Variants in IK observed in about 807,000 individuals in gnomAD.
IK encodes the protein protein Red.
IK carries 47 observed loss-of-function variants against 90.9 expected under a neutral mutation model. The observed-to-expected ratio is 0.52, with a 90% CI of 0.41 to 0.66. The LOEUF (loss-of-function observed/expected upper bound fraction) is 0.66, where lower values mean the gene tolerates loss of function less well. Among genes scored for constraint, IK ranks in the 30% least tolerant of loss-of-function variants. The pLI is 0.00. For missense variants in IK, 385 were observed against 709.3 expected, an observed-to-expected ratio of 0.54 and a Z score of 5.19; for synonymous variants, 201 against 227.5, an observed-to-expected ratio of 0.88 and a Z score of 1.05.
At chr5:140,657,910 AT>A (rs1007216823) in intron 10 of IK, among the ~76,000 whole-genome samples, 3 of 152,096 alleles carry the variant, frequency 2.0e-5, no homozygotes, top group South Asian at 2.1e-4. Flanking sequence ...CTATTTATTT[AT>A]TTTTTTTAAA....
At chr5:140,651,668 T>C (rs1411409562) in intron 2 of IK, 46 bp from the exon 3 acceptor site, 8 of 937,132 alleles carry the variant, frequency 8.5e-6, no homozygotes, top group Non-Finnish European at 1.4e-5. Flanking sequence ...TCCTTTTTCA[T>C]TTCTTATTGA....
chr5:140,649,485 C>T (rs1581479668), intron 2 of IK, among the ~76,000 whole-genome samples: 1 of 149,284 alleles, frequency 6.7e-6, no homozygotes, highest in Non-Finnish European at 1.5e-5. Flanking sequence ...AAAGTGCTGG[C>T]ATTACAGGCG....
In IK at chr5:140,659,161, T is replaced by C; in HGVS notation, c.1173T>C (p.Asp391=). ...ACTTTGAGAAGCCAAAAGTAGATGATGAGGTGAGATGTGGGCCCTTAGTAC... is the reference window on the plus strand; with the variant it reads ...ACTTTGAGAAGCCAAAAGTAGATGACGAGGTGAGATGTGGGCCCTTAGTAC... ...HSYFEKPKVD[D]EPMDVDKGPG... Residue 391 remains aspartate, a synonymous_variant, in exon 12 of 20, where the codon GAT becomes GAC. Transcript: ENST00000417647. 1 of 1,588,060 alleles carries C rather than the reference T, an allele frequency of 6.3e-7. No individual in the cohort carries two copies.
intron 10 of IK, among the ~76,000 whole-genome samples, chr5:140,658,153 G>A (rs1757740653): frequency 1.3e-5 from 2 of 151,132 alleles, no homozygotes; most frequent in Admixed American, 6.6e-5. Flanking sequence ...CTATAGGCAC[G>A]CATCACCACG....
At position 140,657,568 on chromosome 5, in the gene IK, G is replaced by A. The variant is rs761334132; in HGVS notation, c.816G>A (p.Leu272=). The A allele has an allele frequency of 1.9e-6, 3 of 1,611,478 alleles. No homozygotes were observed. The highest frequency in any genetic ancestry group is 2.7e-5 in the African/African-American group (2 of 74,802). The change falls in exon 10 of 20, where the codon CTG becomes CTA. Residue 272 remains leucine (L), a synonymous_variant. Coordinates refer to ENST00000417647, the MANE Select transcript of IK (RefSeq NM_006083.4). ...DCPTMEAQTT[L]TTNDIVISKL... is the part of the protein sequence containing the mutation. ...GGTATTTTCAGGCCCAGACCACACT[G>A]ACCACAAATGACATTGTCATTAGCA...
chr5:140,660,457 C>G, intron 15 of IK: 1 of 539,890 alleles, frequency 1.9e-6, no homozygotes, highest in Non-Finnish European at 3.3e-6. Context: ...ATCACCACAC[C>G]TGGCTAGTTT....
intron 6 of IK, 49 bp downstream of exon 6, chr5:140,654,101 C>T: frequency 9.6e-7 from 1 of 1,038,886 alleles, no homozygotes; most frequent in Non-Finnish European, 1.5e-6. Context: ...GCTGAATGCT[C>T]TTGTATGGGT....
At chr5:140,649,859 T>C (rs1006159839) in intron 2 of IK, among the ~76,000 whole-genome samples, 3 of 152,234 alleles carry the variant, frequency 2.0e-5, no homozygotes, top group African/African-American at 7.2e-5. Flanking sequence ...AATGCATTTA[T>C]ACACATACAT....
At chr5:140,658,844 T>C in intron 11 of IK, 68 bp downstream of exon 11, 2 of 1,595,472 alleles carry the variant, frequency 1.3e-6, no homozygotes, top group Non-Finnish European at 1.7e-6. Context: ...GTCTGGCATT[T>C]TGGGGAGGTG....
chr5:140,653,073 C>T lies in IK; in HGVS notation c.333C>T (p.Asn111=). The T allele has an allele frequency of 1.9e-6, 3 of 1,613,782 alleles. No individual in the cohort carries two copies. Among genetic ancestry groups the T allele is most frequent in the Non-Finnish European group, 2.5e-6 (3 of 1,179,850 alleles). ...CCAAGGAACGGAGAGATGGAGTGAACAAAGATTATGAAGAAACCGAGCTTA... is the reference window on the plus strand; with the variant it reads ...CCAAGGAACGGAGAGATGGAGTGAATAAAGATTATGAAGAAACCGAGCTTA... ...DRAKERRDGV[N]KDYEETELIS... Residue 111 remains asparagine, a synonymous_variant, in exon 5 of 20, where the codon AAC becomes AAT. Coordinates refer to ENST00000417647, the MANE Select transcript of IK (RefSeq NM_006083.4).
chr5:140,651,783 A>G lies in IK; in HGVS notation c.153A>G (p.Pro51=). Residue 51 remains proline (P), a synonymous_variant, in exon 3 of 20, where the codon CCA becomes CCG. Transcript: ENST00000417647. ...CCAGGGCTGCACCTACCTCTGCACC[A>G]CCTTCTAAGTCACGTCACCATGAGT... ...MTPRAAPTSA[P]PSKSRHHEMP... is the part of the protein sequence containing the mutation. 1 of 1,609,408 alleles carries G rather than the reference A, an allele frequency of 6.2e-7. No homozygotes were observed.
In IK at chr5:140,653,147, G is replaced by T; in HGVS notation, c.404+3G>T. 6.2e-7 allele frequency: 1 copy of T among 1,612,608 alleles called. No individual in the cohort carries two copies. The highest frequency in any genetic ancestry group is 1.1e-5 in the South Asian group (1 of 90,952). ...GCTGTTGGCCCCACTGCTGAGGCGT[G>T]AGTACTGAGGGAACAGGGCATGGTT... On this transcript the variant is annotated splice_donor_region_variant and intron_variant, in intron 5 of 19. Coordinates refer to ENST00000417647, the MANE Select transcript of IK (RefSeq NM_006083.4).
Position 140,654,701 on chromosome 5 carries a change from A to T in IK, c.611A>T (p.Asn204Ile). Residue 204 changes from asparagine (N) to isoleucine (I), a missense_variant, in exon 8 of 20, where the codon AAT (asparagine) becomes ATT (isoleucine). Physicochemically the swap from Asn to Ile is moderately radical, Grantham distance 149. Coordinates refer to ENST00000417647, the MANE Select transcript of IK (RefSeq NM_006083.4). ...KETKKDEDPE[N>I]KIEFKTRLGR... is the part of the protein sequence containing the mutation. The stretch of plus-strand genomic sequence containing the variant: ...TTCAGGAAAGATGAGGATCCTGAAA[A>T]TAAAATTGAATTTAAAACACGTCTG... 1 of 1,604,352 alleles carries T rather than the reference A, an allele frequency of 6.2e-7. No individual in the cohort carries two copies. Among genetic ancestry groups the T allele is most frequent in the Non-Finnish European group, 8.5e-7 (1 of 1,173,314 alleles).
At chr5:140,657,952 A>G (rs1005753891) in intron 10 of IK, among the ~76,000 whole-genome samples, 1 of 152,242 alleles carries the variant, frequency 6.6e-6, no homozygotes, top group African/African-American at 2.4e-5. Context: ...CAGAAAACCT[A>G]GACAGATTCT....
intron 15 of IK, chr5:140,660,527 A>G (rs890085988): frequency 3.7e-6 from 2 of 544,994 alleles, no homozygotes; most frequent in Non-Finnish European, 6.5e-6. Context: ...TGAACTCCTG[A>G]CCTCAGGTAA....
intron 14 of IK, 86 bp downstream of exon 14, chr5:140,659,920 C>A: frequency 9.9e-7 from 1 of 1,014,424 alleles, no homozygotes; most frequent in Non-Finnish European, 1.5e-6. Context: ...CCCTCCTACC[C>A]TGCCCCTCTC....
At position 140,659,204 on chromosome 5, in the gene IK, CCT is replaced by C. The variant is rs540389316; in HGVS notation, c.1176+45_1176+46del. 1.4e-4 allele frequency: 224 copies of C among 1,601,674 alleles called. 1 individual carries two copies. The African/African-American group carries it at 2.4e-3, about 17-fold the overall frequency. On this transcript the variant is annotated intron_variant, in intron 12 of 19. Transcript: ENST00000417647. ...CTTAGTACCAGGTGATGGAGTTGCC[CCT>C]CTCTGGAAATGTGAGCAAGGTTGGG... is the stretch of plus-strand genomic sequence containing the variant.
chr5:140,657,158 G>A (rs1042781320), intron 9 of IK, among the ~76,000 whole-genome samples: 3 of 152,178 alleles, frequency 2.0e-5, no homozygotes, highest in Non-Finnish European at 4.4e-5. Context: ...AGCCAAGATC[G>A]TGCCACTGCA....
intron 2 of IK, among the ~76,000 whole-genome samples, chr5:140,650,262 A>G (rs1757592955): frequency 6.6e-6 from 1 of 152,194 alleles, no homozygotes; most frequent in South Asian, 2.1e-4. Flanking sequence ...TCTTCAATAA[A>G]GTCTTCCTTG....
Sources: gnomAD v4.1 joint callset for allele counts (sites outside exome capture counted in the v4.1 genomes callset) on GRCh38, gnomAD v4.1.1 for gene constraint, MANE v1.5 for transcripts, NCBI Gene and HGNC (gene_info 2026-07-23, HGNC 2026-07-21) for gene names.